TENM3: variants seen among roughly 807,000 people sequenced by gnomAD.
TENM3 encodes the protein teneurin-3.
In TENM3, 63 loss-of-function variants were observed where a neutral mutation model predicts 255.1. The ratio of observed to expected loss-of-function variants is 0.25; its 90% CI spans 0.20 to 0.30. The LOEUF is 0.30. TENM3 is among the 10% of genes least tolerant of loss of function. TENM3 has a pLI of 1.00. For synonymous variants in TENM3, 1,306 were observed against 1,322.3 expected (o/e 0.99, Z 0.27); for missense variants, 2,929 against 3,461.1 (o/e 0.85, Z 3.86).
At chr4:181,729,734 C>A in the TENM3 span, among the ~76,000 whole-genome samples, 9 of 152,168 alleles carry the variant, frequency 5.9e-5, no homozygotes, top group Non-Finnish European at 1.0e-4. Flanking sequence ...TGTTGCCCTG[C>A]CGGCCCACGA....
chr4:181,749,914 G>A, the TENM3 span, among the ~76,000 whole-genome samples: 21 of 152,096 alleles, frequency 1.4e-4, no homozygotes, highest in South Asian at 1.9e-3. Context: ...TGTCTCTTAC[G>A]GTCTTATCAC....
At chr4:182,015,550 TTTTATTTATTTA>T in the TENM3 span, among the ~76,000 whole-genome samples, 1 of 149,986 alleles carries the variant, frequency 6.7e-6, no homozygotes, top group Non-Finnish European at 1.5e-5. Flanking sequence ...TGATTTTAAT[TTTTATTTATTTA>T]TTTATTTATT....
At chr4:182,098,639 G>A in the TENM3 span, among the ~76,000 whole-genome samples, 3 of 152,304 alleles carry the variant, frequency 2.0e-5, no homozygotes, top group Non-Finnish European at 4.4e-5. Context: ...CATTGAAGTA[G>A]AGGGTAGAAT....
the TENM3 span, among the ~76,000 whole-genome samples, chr4:181,665,885 A>G: frequency 6.6e-6 from 1 of 152,148 alleles, no homozygotes; most frequent in Non-Finnish European, 1.5e-5. Context: ...AATAGATAAA[A>G]TAATGCATAA....
At chr4:181,969,042 T>C in the TENM3 span, among the ~76,000 whole-genome samples, 1 of 151,680 alleles carries the variant, frequency 6.6e-6, no homozygotes, top group African/African-American at 2.4e-5. Context: ...GTGTATGTAA[T>C]AATTTCCCCC....
At chr4:182,169,618 G>C (rs1751969492) in intron 1 of TENM3, among the ~76,000 whole-genome samples, 1 of 152,078 alleles carries the variant, frequency 6.6e-6, no homozygotes, top group Non-Finnish European at 1.5e-5. Context: ...TGTGACTCTT[G>C]ACCATTTTGT....
chr4:181,475,115 CTT>C, the TENM3 span, among the ~76,000 whole-genome samples: 1 of 152,236 alleles, frequency 6.6e-6, no homozygotes, highest in Non-Finnish European at 1.5e-5. Context: ...AATCTACTCT[CTT>C]GTTTCACATT....
the TENM3 span, among the ~76,000 whole-genome samples, chr4:181,961,035 G>A: frequency 6.6e-6 from 1 of 152,270 alleles, no homozygotes; most frequent in Non-Finnish European, 1.5e-5. Flanking sequence ...CCTGCTCAGA[G>A]AGGGCATGAT....
chr4:181,745,164 A>T, the TENM3 span, among the ~76,000 whole-genome samples: 1 of 152,136 alleles, frequency 6.6e-6, no homozygotes, highest in African/African-American at 2.4e-5. Context: ...GTAGAAAGAA[A>T]CCAGAAAAGG....
chr4:182,257,999 C>T (rs1263078837), intron 1 of TENM3, among the ~76,000 whole-genome samples: 1 of 151,834 alleles, frequency 6.6e-6, no homozygotes. Flanking sequence ...GAAAAATATT[C>T]TCAGAATTCA....
the TENM3 span, among the ~76,000 whole-genome samples, chr4:181,688,021 C>A: frequency 6.6e-6 from 1 of 152,192 alleles, no homozygotes; most frequent in South Asian, 2.1e-4. Flanking sequence ...TTATGTAAAT[C>A]ACTTTTGTAA....
intron 4 of TENM3, among the ~76,000 whole-genome samples, chr4:182,611,751 A>G (rs1192747781): frequency 6.6e-6 from 1 of 152,222 alleles, no homozygotes; most frequent in Non-Finnish European, 1.5e-5. Context: ...TAGAGAAGCT[A>G]TACTGTCTTT....
intron 1 of TENM3, among the ~76,000 whole-genome samples, chr4:182,166,512 C>G (rs2309627): frequency 0.7 from 106,795 of 151,916 alleles, 37,673 homozygotes; most frequent in Non-Finnish European, 0.73. Flanking sequence ...AGCTGCCAAG[C>G]GGATCTTTGT....
At chr4:182,387,791 T>C (rs1768077464) in intron 3 of TENM3, among the ~76,000 whole-genome samples, 1 of 150,062 alleles carries the variant, frequency 6.7e-6, no homozygotes, top group Non-Finnish European at 1.5e-5. Flanking sequence ...CATCCGAACA[T>C]CAGAAGGGAC....
At chr4:182,276,805 A>C (rs1271475917) in intron 1 of TENM3, among the ~76,000 whole-genome samples, 1 of 152,218 alleles carries the variant, frequency 6.6e-6, no homozygotes, top group Non-Finnish European at 1.5e-5. Flanking sequence ...GTATGTATAT[A>C]TAGAGCTTTC....
intron 3 of TENM3, among the ~76,000 whole-genome samples, chr4:182,519,371 A>C (rs1738326502): frequency 6.6e-6 from 1 of 152,214 alleles, no homozygotes; most frequent in Admixed American, 6.5e-5. Flanking sequence ...GAATTTGAAA[A>C]ACAAGAAAGA....
At chr4:182,504,232 A>C (rs1736598632) in intron 3 of TENM3, among the ~76,000 whole-genome samples, 1 of 151,396 alleles carries the variant, frequency 6.6e-6, no homozygotes, top group African/African-American at 2.4e-5. Context: ...ATGAATCTGC[A>C]TCCATTTTCT....
chr4:182,599,687 CTG>C (rs1389771972), intron 3 of TENM3, among the ~76,000 whole-genome samples: 1 of 152,140 alleles, frequency 6.6e-6, no homozygotes, highest in African/African-American at 2.4e-5. Flanking sequence ...CAATGTTAAA[CTG>C]TGCTATTTGG....
At chr4:181,706,101 A>G in the TENM3 span, among the ~76,000 whole-genome samples, 1 of 152,074 alleles carries the variant, frequency 6.6e-6, no homozygotes, top group South Asian at 2.1e-4. Flanking sequence ...GGTCCTTCTG[A>G]GAGCCATGAG....
Sources: gnomAD v4.1 joint callset for allele counts (sites outside exome capture counted in the v4.1 genomes callset) on GRCh38, gnomAD v4.1.1 for gene constraint, MANE v1.5 for transcripts, NCBI Gene and HGNC (gene_info 2026-07-23, HGNC 2026-07-21) for gene names.